Variants in PCDHGB2 observed in about 807,000 individuals in gnomAD.
PCDHGB2 encodes the protein protocadherin gamma-B2.
A neutral mutation model predicts 59.3 loss-of-function variants in PCDHGB2; 55 were observed. That is an observed-to-expected ratio of 0.93 (90% CI 0.75 to 1.16). PCDHGB2 has a LOEUF of 1.16. PCDHGB2 is among the 50% of genes most tolerant of loss of function. The pLI is 0.00. For missense variants in PCDHGB2, 1,228 were observed against 1,198.5 expected, an observed-to-expected ratio of 1.02 and a Z score of -0.36; for synonymous variants, 516 against 512.0, an observed-to-expected ratio of 1.01 and a Z score of -0.11.
At chr5:141,385,271 TG>T (rs777522853) in intron 1 of PCDHGB2, 313 of 1,614,076 alleles carry the variant, frequency 1.9e-4, no homozygotes, top group Non-Finnish European at 2.4e-4. Flanking sequence ...AATGATTCTT[TG>T]CTAACATCCG....
intron 1 of PCDHGB2, among the ~76,000 whole-genome samples, chr5:141,447,978 C>T (rs759162070): frequency 1.1e-4 from 17 of 151,694 alleles, no homozygotes; most frequent in East Asian, 3.9e-4. Flanking sequence ...CCCAGCTACT[C>T]GGGAGGCTGA....
At position 141,478,876 on chromosome 5, in the gene PCDHGB2, C is replaced by A. The variant is rs2099482470; in HGVS notation, c.2422-15931C>A. 30 of 1,265,748 alleles carry A rather than the reference C, an allele frequency of 2.4e-5. No individual in the cohort carries two copies. The South Asian group carries it at 4.7e-4, about 20-fold the overall frequency. 78.4% of individuals were successfully genotyped at this position (1,265,748 alleles called of 1,614,324 possible). On this transcript the variant is annotated intron_variant, in intron 1 of 3. Transcript: ENST00000522605. ...CAAGATCTCAGCGATCAGAGTTTAGCTTGGTATCATTTACATTAGGAATAA... is the reference window on the plus strand; with the variant it reads ...CAAGATCTCAGCGATCAGAGTTTAGATTGGTATCATTTACATTAGGAATAA...
At chr5:141,387,655 C>T (rs2091029456) in intron 1 of PCDHGB2, 1 of 644,664 alleles carries the variant, frequency 1.6e-6, no homozygotes, top group Admixed American at 3.3e-5. Context: ...AAGTGGAGAG[C>T]TTGGCGCTCC....
intron 1 of PCDHGB2, chr5:141,475,848 C>T (rs1562050268): frequency 4.4e-6 from 2 of 451,496 alleles, no homozygotes; most frequent in Non-Finnish European, 7.9e-6. Context: ...TCAGAGAGCC[C>T]GGCGCTAGCT....
rs770623588 is a variant in PCDHGB2, at chr5:141,410,424, C to A, written c.2421+47868C>A. ...GTCAAGTCTGGACCTGTAGTTCCCC[C>A]CAACTACAGTGAGGGGACTTTGCCT... is the stretch of plus-strand genomic sequence containing the variant. On this transcript the variant is annotated intron_variant, in intron 1 of 3. Transcript: ENST00000522605. The A allele has an allele frequency of 1.1e-5, 17 of 1,613,852 alleles. No homozygotes were observed. In the East Asian group the frequency reaches 3.6e-4, roughly 34 times the overall value.
intron 3 of PCDHGB2, among the ~76,000 whole-genome samples, chr5:141,508,646 G>A (rs1434098773): frequency 2.6e-5 from 4 of 152,014 alleles, no homozygotes; most frequent in African/African-American, 9.7e-5. Flanking sequence ...ACTCCGTCAG[G>A]CCCTTCCTGT....
chr5:141,373,179 T>G (rs576905646), intron 1 of PCDHGB2, among the ~76,000 whole-genome samples: 1 of 152,360 alleles, frequency 6.6e-6, no homozygotes, highest in East Asian at 1.9e-4. Flanking sequence ...TCCTAAAATA[T>G]ATGAAACATT....
chr5:141,488,196 TA>T, intron 1 of PCDHGB2, among the ~76,000 whole-genome samples: 1 of 152,186 alleles, frequency 6.6e-6, no homozygotes, highest in Non-Finnish European at 1.5e-5. Context: ...GTCTGGGTCT[TA>T]GGACTCATAT....
chr5:141,392,946 G>A, intron 1 of PCDHGB2: 2 of 1,613,940 alleles, frequency 1.2e-6, no homozygotes, highest in Non-Finnish European at 1.7e-6. Context: ...AGGCTCCTTC[G>A]TGGGTAATAT....
chr5:141,499,414 T>C (rs543824206), intron 2 of PCDHGB2, among the ~76,000 whole-genome samples: 1 of 151,804 alleles, frequency 6.6e-6, no homozygotes, highest in Non-Finnish European at 1.5e-5. Context: ...TATAGAAACA[T>C]GAAAAATAGA....
intron 1 of PCDHGB2, chr5:141,414,343 A>G: frequency 1.9e-6 from 3 of 1,613,882 alleles, no homozygotes; most frequent in Non-Finnish European, 2.5e-6. Flanking sequence ...AACCTGTTCC[A>G]TTTTGGCGTA....
rs140933475 is a variant in PCDHGB2 at position 141,477,405 on chromosome 5, G to A, written c.2422-17402G>A. The A allele has an allele frequency of 3.8e-4, 608 of 1,614,076 alleles. No individual in the cohort carries two copies. The highest frequency in any genetic ancestry group is 4.6e-4 in the Non-Finnish European group (540 of 1,180,022). On this transcript the variant is annotated intron_variant, in intron 1 of 3. Transcript: ENST00000522605. This position sits in a 1 kb window ranked among gnomAD's most constrained non-coding sequence, Gnocchi z 4.9. ...GAATACAACCTCAGCATCACCGCCC[G>A]AGACGCCGGAACCCCTTCCCTCTCA...
chr5:141,489,312 G>A lies in PCDHGB2; in HGVS notation c.2422-5495G>A, dbSNP rs745541067. The A allele has an allele frequency of 2.5e-6, 4 of 1,594,972 alleles. No homozygotes were observed. The highest frequency in any genetic ancestry group is 2.6e-6 in the Non-Finnish European group (3 of 1,169,822). On this transcript the variant is annotated intron_variant, in intron 1 of 3. Transcript: ENST00000522605. This position sits in a 1 kb window ranked among gnomAD's most constrained non-coding sequence, Gnocchi z 4.5. ...TGTGCATGTTGTCCTTGTGCTGCTG[G>A]GGCTGGGTGTCTGGGCAGCTTCGTT...
intron 1 of PCDHGB2, chr5:141,364,748 G>A: frequency 1.2e-6 from 2 of 1,613,978 alleles, no homozygotes; most frequent in South Asian, 1.1e-5. Flanking sequence ...AGAGTTAAAA[G>A]TAAAAGTTAA....
intron 1 of PCDHGB2, chr5:141,399,924 G>A: frequency 6.2e-7 from 1 of 1,612,346 alleles, no homozygotes; most frequent in Non-Finnish European, 8.5e-7. Context: ...ACAACGCCTG[G>A]CTGTCCTACC....
intron 1 of PCDHGB2, chr5:141,382,716 C>A (rs11575956): frequency 2.0e-6 from 1 of 488,008 alleles, no homozygotes; most frequent in Non-Finnish European, 3.5e-6. Context: ...CAGAAACCAC[C>A]GAGTTTTACA....
At chr5:141,386,834 G>A (rs1253552836) in intron 1 of PCDHGB2, among the ~76,000 whole-genome samples, 1 of 152,192 alleles carries the variant, frequency 6.6e-6, no homozygotes, top group East Asian at 1.9e-4. Context: ...GCAATGGAGA[G>A]ACATAATCAC....
chr5:141,459,025 A>C (rs2098959135), intron 1 of PCDHGB2, among the ~76,000 whole-genome samples: 1 of 152,336 alleles, frequency 6.6e-6, no homozygotes, highest in Non-Finnish European at 1.5e-5. Flanking sequence ...GAGCCACCAC[A>C]TCCAGCCTTA....
intron 1 of PCDHGB2, chr5:141,423,925 T>C (rs17097293): frequency 0.23 from 286,429 of 1,244,544 alleles, 36,355 homozygotes; most frequent in African/African-American, 0.51. Flanking sequence ...ACTATGCTGG[T>C]TTGGTTTGAA....
Sources: allele counts gnomAD v4.1 joint callset (sites outside exome capture counted in the v4.1 genomes callset), GRCh38; gene constraint gnomAD v4.1.1; non-coding constraint Gnocchi (gnomAD v3.1); transcripts MANE v1.5; gene names NCBI Gene and HGNC (gene_info 2026-07-23, HGNC 2026-07-21).